Variants in PPL observed in about 807,000 individuals in gnomAD.
PPL encodes 190 kDa paraneoplastic pemphigus antigen.
A neutral mutation model predicts 194.4 loss-of-function variants in PPL; 198 were observed. That is an observed-to-expected ratio of 1.02 (90% confidence interval 0.91 to 1.15). The LOEUF (loss-of-function observed/expected upper bound fraction) is 1.15, where lower values mean the gene tolerates loss of function less well. Among genes scored for constraint, PPL ranks in the 50% most tolerant of loss-of-function variants. The pLI, the probability that PPL is intolerant of heterozygous loss-of-function variation, is 0.00. For missense variants in PPL, 2,885 were observed against 2,294.8 expected (o/e 1.26, Z -5.25); for synonymous variants, 1,220 against 972.4 (o/e 1.25, Z -4.74).
chr16:4,890,996 C>T, intron 16 of PPL, 75 bp from the exon 17 acceptor site: 1 of 1,303,820 alleles, frequency 7.7e-7, no homozygotes, highest in Non-Finnish European at 1.0e-6. Context: ...CCACTGAAGC[C>T]CCTGGGCCAC....
chr16:4,915,364 C>T (rs777043651), intron 1 of PPL, among the ~76,000 whole-genome samples: 3 of 152,242 alleles, frequency 2.0e-5, no homozygotes, highest in Non-Finnish European at 2.9e-5. Flanking sequence ...CCTCGTACAG[C>T]CTCCGCTTCT....
rs1315351017 is a variant in PPL, at chr16:4,885,344, T to C, written c.3311A>G (p.Glu1104Gly). 5.0e-6 allele frequency: 8 copies of C among 1,612,552 alleles called. No individual in the cohort carries two copies. The South Asian group carries it at 7.7e-5, about 15-fold the overall frequency. The change falls in exon 22 of 22, where the codon GAG (glutamate) becomes GGG (glycine). Residue 1104 changes from glutamate to glycine, a missense_variant. By Grantham distance (98) the Glu-to-Gly change is moderately conservative (BLOSUM62 -2). Transcript: ENST00000345988. The surrounding 1 kb of genome is among the most constrained non-coding windows in gnomAD (Gnocchi z 6.3). The part of the protein sequence containing the change: ...LQDKLKRLEK[E>G]RAMAEGKITV... ...GATCTTGCCCTCGGCCATGGCCCGCTCCTTCTCTAGCCTCTTGAGCTTGTC... is the reference window on the plus strand; with the variant it reads ...GATCTTGCCCTCGGCCATGGCCCGCCCCTTCTCTAGCCTCTTGAGCTTGTC...
chr16:4,883,729 G>T lies in PPL; in HGVS notation c.4926C>A (p.Ser1642=). The T allele has an allele frequency of 6.2e-7, 1 of 1,613,946 alleles. No homozygotes were observed. Among genetic ancestry groups the T allele is most frequent in the Non-Finnish European group, 8.5e-7 (1 of 1,179,994 alleles). Reference sequence around the variant, plus strand: ...CCCGCTGCTCCCGCTTGACGGCCACGGAGCCCAGGCGCTTCTGCAGCTCGT... The same window carrying T: ...CCCGCTGCTCCCGCTTGACGGCCACTGAGCCCAGGCGCTTCTGCAGCTCGT... The part of the protein sequence containing the change: ...EIDELQKRLG[S]VAVKREQREN... The change falls in exon 22 of 22, where the codon TCC becomes TCA. Residue 1642 remains serine (S), a synonymous_variant. Coordinates refer to ENST00000345988, the MANE Select transcript of PPL (RefSeq NM_002705.5). This position sits in a 1 kb window ranked among gnomAD's most constrained non-coding sequence, Gnocchi z 4.8.
At chr16:4,888,863 G>A (rs894681316) in intron 19 of PPL, 115 bp downstream of exon 19, 53 of 1,010,546 alleles carry the variant, frequency 5.2e-5, no homozygotes, top group Middle Eastern at 3.1e-4. Context: ...GCAGTGCCTC[G>A]GATGGCCAGC....
rs373066725 is a variant in PPL at position 4,885,734 on chromosome 16, A to G, written c.2921T>C (p.Leu974Pro). The change falls in exon 22 of 22, where the codon CTG becomes CCG. Residue 974 changes from leucine (L) to proline (P), a missense_variant. Leu to Pro is a moderately conservative substitution (Grantham distance 98). Coordinates refer to ENST00000345988, the MANE Select transcript of PPL (RefSeq NM_002705.5). The surrounding 1 kb of genome is among the most constrained non-coding windows in gnomAD (Gnocchi z 6.3). ...CTCCAGGGCACGCAGCTGCAGCTGCAGTGCCTCCAGCTCCTCCTGCAGCAG... is the reference window on the plus strand; with the variant it reads ...CTCCAGGGCACGCAGCTGCAGCTGCGGTGCCTCCAGCTCCTCCTGCAGCAG... ...NQLLQEELEA[L>P]QLQLRALEQE... 6.2e-7 allele frequency: 1 copy of G among 1,612,834 alleles called. No individual in the cohort carries two copies. Among genetic ancestry groups the G allele is most frequent in the African/African-American group, 1.3e-5 (1 of 74,850 alleles).
chr16:4,884,469 G>A lies in PPL; in HGVS notation c.4186C>T (p.Arg1396Cys), dbSNP rs1299064912. The part of the protein sequence containing the change: ...RAELRRLQRR[R>C]TELERQLEEL... ...TCCAGCTGCCGCTCAAGCTCGGTGC[G>A]CCGGCGCTGCAGCCGCCGCAGCTCT... Residue 1396 changes from arginine (R) to cysteine (C), a missense_variant, in exon 22 of 22, where the codon CGC (arginine) becomes TGC (cysteine). Physicochemically the swap from Arg to Cys is radical, Grantham distance 180. Coordinates refer to ENST00000345988, the MANE Select transcript of PPL (RefSeq NM_002705.5). This position sits in a 1 kb window ranked among gnomAD's most constrained non-coding sequence, Gnocchi z 5.7. 12 of 1,602,270 alleles carry A rather than the reference G, an allele frequency of 7.5e-6. No homozygotes were observed. Among genetic ancestry groups the A allele is most frequent in the African/African-American group, 1.3e-5 (1 of 74,330 alleles).
intron 18 of PPL, 51 bp downstream of exon 18, chr16:4,890,133 T>C (rs751682288): frequency 6.2e-7 from 1 of 1,612,940 alleles, no homozygotes; most frequent in Non-Finnish European, 8.5e-7. Flanking sequence ...TGTTGACCTC[T>C]GACCCTCCCT....
chr16:4,894,444 G>T, intron 12 of PPL, 23 bp downstream of exon 12: 1 of 1,612,838 alleles, frequency 6.2e-7, no homozygotes, highest in East Asian at 2.2e-5. Flanking sequence ...GGTCCATGCA[G>T]ACTCCCGCCT....
chr16:4,893,506 C>T (rs1465375893), intron 13 of PPL, 35 bp downstream of exon 13: 3 of 1,607,484 alleles, frequency 1.9e-6, no homozygotes, highest in Admixed American at 1.7e-5. Context: ...TCCCCGGTAC[C>T]CCCAGAGCCT....
chr16:4,923,367 G>A (rs1440782632), intron 1 of PPL, among the ~76,000 whole-genome samples: 2 of 152,310 alleles, frequency 1.3e-5, no homozygotes, highest in East Asian at 1.9e-4. Flanking sequence ...TTTGGATGAT[G>A]GGATGATCTG....
chr16:4,925,349 AACC>A (rs2089137044), intron 1 of PPL, among the ~76,000 whole-genome samples: 1 of 152,060 alleles, frequency 6.6e-6, no homozygotes, highest in African/African-American at 2.4e-5. Flanking sequence ...ACACAAAGGC[AACC>A]ACCGTGGACA....
intron 9 of PPL, among the ~76,000 whole-genome samples, chr16:4,896,226 G>A (rs2088424782): frequency 1.3e-5 from 2 of 152,152 alleles, no homozygotes; most frequent in African/African-American, 2.4e-5. Context: ...CTCAGACAGG[G>A]AATGAGGAGT....
Position 4,894,493 on chromosome 16 carries a change from G to A in PPL, c.1368C>T (p.Asp456=). The A allele has an allele frequency of 1.2e-6, 2 of 1,613,922 alleles. No homozygotes were observed. Among genetic ancestry groups the A allele is most frequent in the South Asian group, 1.1e-5 (1 of 91,088 alleles). ...TGTCAGCCAGAGCCAGGGCCTCAGG[G>A]TCTGTGGGGGGGATCACAAAACACA... ...PAVCFVIPPT[D]PEALALADSL... The change falls in exon 12 of 22, where the codon GAC becomes GAT. Residue 456 remains aspartate, a synonymous_variant. Coordinates refer to ENST00000345988, the MANE Select transcript of PPL (RefSeq NM_002705.5).
rs778157908 is a variant in PPL, at chr16:4,900,869, C to A, written c.567G>T (p.Glu189Asp). 1 of 1,614,172 alleles carries A rather than the reference C, an allele frequency of 6.2e-7. No individual in the cohort carries two copies. The highest frequency in any genetic ancestry group is 1.7e-5 in the Admixed American group (1 of 60,030). ...GPHLAKDGDK[E>D]QNSELRAKYQ... ...ACTTGGCCCGGAGTTCGCTGTTCTGCTCCTGAGGACAGAGCCGAGGGCATG... is the reference window on the plus strand; with the variant it reads ...ACTTGGCCCGGAGTTCGCTGTTCTGATCCTGAGGACAGAGCCGAGGGCATG... Residue 189 changes from glutamate (E) to aspartate (D), a missense_variant and splice_region_variant, in exon 6 of 22, where the codon GAG (glutamate) becomes GAT (aspartate). By Grantham distance (45) the Glu-to-Asp change is conservative. Transcript: ENST00000345988.
chr16:4,931,773 G>T (rs2089228687), intron 1 of PPL, among the ~76,000 whole-genome samples: 1 of 152,186 alleles, frequency 6.6e-6, no homozygotes, highest in South Asian at 2.1e-4. Context: ...TGCTTAAAGG[G>T]TGTGGACGGA....
intron 1 of PPL, among the ~76,000 whole-genome samples, chr16:4,934,908 A>G (rs1466319329): frequency 2.0e-5 from 3 of 152,014 alleles, no homozygotes; most frequent in Non-Finnish European, 4.4e-5. Context: ...GGGCTTGGAG[A>G]CCACCCGGGG....
chr16:4,895,095 C>T (rs1300360454), intron 11 of PPL, among the ~76,000 whole-genome samples, 166 bp downstream of exon 11: 1 of 152,142 alleles, frequency 6.6e-6, no homozygotes, highest in African/African-American at 2.4e-5. Flanking sequence ...GAGGTGGGGG[C>T]GGCATAGGGG....
intron 2 of PPL, among the ~76,000 whole-genome samples, chr16:4,905,734 C>T (rs2088668744): frequency 6.6e-6 from 1 of 152,168 alleles, no homozygotes; most frequent in Non-Finnish European, 1.5e-5. Context: ...AGTGCCTTTG[C>T]CTGGCTAAGT....
At chr16:4,909,424 CTTTTTTTTTT>C (rs199792362) in intron 2 of PPL, among the ~76,000 whole-genome samples, 15,324 of 118,300 alleles carry the variant, frequency 0.13, 1,238 homozygotes, top group East Asian at 0.27. Flanking sequence ...CTGGTCCCAC[CTTTTTTTTTT>C]TTTTTTTTTT....
Sources: gnomAD v4.1 joint callset for allele counts (sites outside exome capture counted in the v4.1 genomes callset) on GRCh38, gnomAD v4.1.1 for gene constraint, Gnocchi (gnomAD v3.1) non-coding constraint, MANE v1.5 for transcripts, NCBI Gene and HGNC (gene_info 2026-07-23, HGNC 2026-07-21) for gene names.